ATG16L2: variants seen among roughly 807,000 people sequenced by gnomAD.
ATG16L2 encodes protein Atg16l2.
In ATG16L2, 77 loss-of-function variants were observed where a neutral mutation model predicts 84.7. That is an observed-to-expected ratio of 0.91 (90% CI 0.76 to 1.10). The LOEUF is 1.10. ATG16L2 is among the 50% of genes least tolerant of loss of function. The pLI, the probability that ATG16L2 is intolerant of heterozygous loss-of-function variation, is 0.00. For synonymous variants in ATG16L2, 361 were observed against 342.8 expected (o/e 1.05, Z -0.59); for missense variants, 782 against 817.6 (o/e 0.96, Z 0.53).
downstream of ATG16L2, among the ~76,000 whole-genome samples, chr11:72,832,952 TG>T (rs1381053127): frequency 6.6e-6 from 1 of 152,208 alleles, no homozygotes; most frequent in Non-Finnish European, 1.5e-5. Context: ...AAAAGTGACA[TG>T]GCTCTTCTGC....
intron 5 of ATG16L2, chr11:72,841,669 CT>C (rs2135152094): frequency 5.2e-6 from 7 of 1,345,930 alleles, no homozygotes; most frequent in Non-Finnish European, 5.0e-6. Context: ...GTACTCATGC[CT>C]TTTCTCTAAA....
At chr11:72,823,583 G>A (rs1212271048) in intron 7 of ATG16L2, 1 of 427,140 alleles carries the variant, frequency 2.3e-6, no homozygotes, top group South Asian at 1.7e-5. Context: ...CCTTGGGGCA[G>A]TGAAGAAACC....
chr11:72,825,507 C>A (rs1860297864), intron 10 of ATG16L2, 100 bp downstream of exon 10: 5 of 895,526 alleles, frequency 5.6e-6, no homozygotes, highest in Non-Finnish European at 9.0e-6. Context: ...CTTTGTGTTT[C>A]TCTATCTGGA....
At chr11:72,841,639 G>GCTGCTTCTCTGA in intron 5 of ATG16L2, 1 of 1,509,318 alleles carries the variant, frequency 6.6e-7, no homozygotes, top group Non-Finnish European at 8.9e-7. Flanking sequence ...GGAGAGCCTG[G>GCTGCTTCTCTGA]CTGCTTCTCT....
intron 1 of ATG16L2, among the ~76,000 whole-genome samples, chr11:72,815,617 G>A (rs1212541339): frequency 6.6e-6 from 1 of 151,960 alleles, no homozygotes; most frequent in Non-Finnish European, 1.5e-5. Flanking sequence ...AGATCACATC[G>A]CTAAGCCTCA....
intron 3 of ATG16L2, among the ~76,000 whole-genome samples, chr11:72,819,685 A>ATTGG (rs1250097052): frequency 6.6e-6 from 1 of 151,204 alleles, no homozygotes; most frequent in Non-Finnish European, 1.5e-5. Context: ...CCCAGGACAC[A>ATTGG]CACCAGCCAG....
intron 15 of ATG16L2, 96 bp downstream of exon 15, chr11:72,828,604 C>T: frequency 6.3e-7 from 1 of 1,585,118 alleles, no homozygotes; most frequent in Non-Finnish European, 8.6e-7. Context: ...TCCCTGGAGG[C>T]CCCTCCAGAC....
At chr11:72,831,670 T>C (rs1358495273), downstream of ATG16L2, among the ~76,000 whole-genome samples, 3 of 152,212 alleles carry the variant, frequency 2.0e-5, no homozygotes, top group Non-Finnish European at 4.4e-5. Flanking sequence ...ACTGAGGCCA[T>C]TCCCGTTTCC....
Position 72,827,298 on chromosome 11 carries a change from C to A in ATG16L2, c.1472+5C>A. The A allele has an allele frequency of 1.9e-6, 3 of 1,610,866 alleles. No individual in the cohort carries two copies. The highest frequency in any genetic ancestry group is 2.5e-6 in the Non-Finnish European group (3 of 1,177,086). ...GATCCGGTTCTGGGACAGCAGGTGACAGGCGCAGGCTGGGGGAGGACTTGG... is the reference window on the plus strand; with the variant it reads ...GATCCGGTTCTGGGACAGCAGGTGAAAGGCGCAGGCTGGGGGAGGACTTGG... On this transcript the variant is annotated splice_donor_5th_base_variant and intron_variant, in intron 14 of 17. Coordinates refer to ENST00000321297, the MANE Select transcript of ATG16L2 (RefSeq NM_033388.2).
At chr11:72,816,706 C>T (rs371704907) in intron 1 of ATG16L2, 22 bp from the exon 2 acceptor site, 48 of 1,596,294 alleles carry the variant, frequency 3.0e-5, no homozygotes, top group Middle Eastern at 3.3e-4. Context: ...CTGCCCCAGG[C>T]TCACTCTCTT....
intron 10 of ATG16L2, 104 bp downstream of exon 10, chr11:72,825,511 A>C: frequency 1.2e-6 from 1 of 862,000 alleles, no homozygotes; most frequent in Non-Finnish European, 1.9e-6. Flanking sequence ...GTGTTTCTCT[A>C]TCTGGAATAT....
rs763563880 is a variant in ATG16L2, at chr11:72,817,787, C to T, written c.250C>T (p.Pro84Ser). 3 of 1,613,636 alleles carry T rather than the reference C, an allele frequency of 1.9e-6. No individual in the cohort carries two copies. The Admixed American group carries it at 5.0e-5, about 27-fold the overall frequency. Residue 84 changes from proline (P) to serine (S), a missense_variant, in exon 3 of 18, where the codon CCA (proline) becomes TCA (serine). Pro to Ser is a moderately conservative substitution (Grantham distance 74, BLOSUM62 -1). Coordinates refer to ENST00000321297, the MANE Select transcript of ATG16L2 (RefSeq NM_033388.2). ...EESELDSDQV[P>S]SLVALRVKWQ... Reference sequence around the variant, plus strand: ...GTCAGAGCTTGACTCAGACCAAGTCCCATCACTGGTCGCACTGAGGGTGAA... The same window carrying T: ...GTCAGAGCTTGACTCAGACCAAGTCTCATCACTGGTCGCACTGAGGGTGAA...
intron 10 of ATG16L2, among the ~76,000 whole-genome samples, chr11:72,825,912 G>A (rs990916014): frequency 5.9e-5 from 9 of 152,086 alleles, no homozygotes; most frequent in East Asian, 1.9e-4. Flanking sequence ...GGCTTGCTGC[G>A]TGCTCTACAT....
At chr11:72,834,179 G>A (rs910308034), downstream of ATG16L2, among the ~76,000 whole-genome samples, 3 of 152,236 alleles carry the variant, frequency 2.0e-5, no homozygotes, top group Admixed American at 2.0e-4. Flanking sequence ...TAAAATTTCT[G>A]TAATTTAGTT....
chr11:72,836,402 C>A (rs1445965319), intron 5 of ATG16L2, among the ~76,000 whole-genome samples: 1 of 152,250 alleles, frequency 6.6e-6, no homozygotes, highest in Non-Finnish European at 1.5e-5. Context: ...TCCTCTCACC[C>A]CTCCAGCAGC....
Position 72,828,758 on chromosome 11 carries a change from G to A in ATG16L2, c.1652G>A (p.Trp551Ter), listed in dbSNP as rs1409502999. 1 of 1,614,138 alleles carries A rather than the reference G, an allele frequency of 6.2e-7. No individual in the cohort carries two copies. Among genetic ancestry groups the A allele is most frequent in the Middle Eastern group, 1.6e-4 (1 of 6,062 alleles). ...RADGFKCGSD[W>*]TKAVFSPDRS... ...GATGGCTTCAAGTGTGGTTCTGACT[G>A]GACCAAAGCTGTGTTCAGGTATGTC... is the stretch of plus-strand genomic sequence containing the variant. The change falls in exon 16 of 18, where the codon TGG becomes TAG. Residue 551 changes from tryptophan to a stop codon, truncating the protein, a stop_gained. Coordinates refer to ENST00000321297, the MANE Select transcript of ATG16L2 (RefSeq NM_033388.2). LOFTEE classifies it high-confidence loss of function.
At chr11:72,826,152 C>A (rs371578822) in intron 10 of ATG16L2, 21 bp from the exon 11 acceptor site, 4 of 1,606,242 alleles carry the variant, frequency 2.5e-6, no homozygotes, top group Non-Finnish European at 3.4e-6. Flanking sequence ...TTTCAACTGT[C>A]CCTTCCCCTG....
chr11:72,825,226 C>T (rs1302671688), intron 9 of ATG16L2, 76 bp from the exon 10 acceptor site: 7 of 1,135,466 alleles, frequency 6.2e-6, no homozygotes, highest in South Asian at 2.5e-5. Context: ...GCACAGGCAC[C>T]GGTAAGAGGG....
chr11:72,840,784 G>C (rs2135148775), intron 5 of ATG16L2: 1 of 916,738 alleles, frequency 1.1e-6, no homozygotes, highest in Non-Finnish European at 1.7e-6. Context: ...GGCATAGTCA[G>C]TAACAACACA....
Sources: allele counts gnomAD v4.1 joint callset (sites outside exome capture counted in the v4.1 genomes callset), GRCh38; gene constraint gnomAD v4.1.1; transcripts MANE v1.5; gene names NCBI Gene and HGNC (gene_info 2026-07-23, HGNC 2026-07-21).